Variants in SMYD3 observed in about 807,000 individuals in gnomAD.
SMYD3 encodes SET and MYND domain containing 3.
Under a neutral mutation model 57.7 loss-of-function variants are expected in SMYD3, and 36 were observed. The ratio of observed to expected loss-of-function variants is 0.62; its 90% CI spans 0.48 to 0.82. SMYD3 has a LOEUF of 0.82. Among genes scored for constraint, SMYD3 ranks in the 40% least tolerant of loss-of-function variants. The pLI is 0.00. For synonymous variants in SMYD3, 211 were observed against 195.0 expected (o/e 1.08, Z -0.68); for missense variants, 515 against 538.8 (o/e 0.96, Z 0.44).
chr1:245,758,969 A>G (rs1033180032), intron 11 of SMYD3, among the ~76,000 whole-genome samples: 57 of 152,326 alleles, frequency 3.7e-4, no homozygotes, highest in Non-Finnish European at 3.2e-4. Flanking sequence ...ACATCACTCC[A>G]GCAAGAGAAT....
chr1:245,836,903 G>A (rs2050132218), intron 10 of SMYD3, among the ~76,000 whole-genome samples: 1 of 152,190 alleles, frequency 6.6e-6, no homozygotes, highest in Admixed American at 6.5e-5. Context: ...CAAGGAACCA[G>A]GGCATCAAAC....
intron 10 of SMYD3, among the ~76,000 whole-genome samples, chr1:245,780,390 A>C (rs2046780860): frequency 6.6e-6 from 1 of 152,232 alleles, no homozygotes; most frequent in Non-Finnish European, 1.5e-5. Flanking sequence ...GAACTTTAAA[A>C]ACATTATGCT....
Position 246,286,259 on chromosome 1 carries a change from C to T in SMYD3, c.531+40942G>A, listed in dbSNP as rs6698732. The stretch of plus-strand genomic sequence containing the variant: ...ATAACAAAACCTTGCTTTGCCAGCA[C>T]TTTTGTTTAAATTTTTGTTTTTAAG... On this transcript the variant is annotated intron_variant, in intron 5 of 11. Transcript: ENST00000490107. 6.1e-3 allele frequency among the ~76,000 whole-genome samples: 932 copies of T among 152,318 alleles called. 11 individuals are homozygous for T. Among genetic ancestry groups the T allele is most frequent in the African/African-American group, 0.021 (888 of 41,566 alleles).
At chr1:246,374,146 T>A (rs1489970609) in intron 1 of SMYD3, among the ~76,000 whole-genome samples, 1 of 151,810 alleles carries the variant, frequency 6.6e-6, no homozygotes, top group Non-Finnish European at 1.5e-5. Flanking sequence ...TCATGATTAA[T>A]CTAAACTTAA....
chr1:246,444,578 G>A (rs1440773237), intron 1 of SMYD3, among the ~76,000 whole-genome samples: 1 of 152,198 alleles, frequency 6.6e-6, no homozygotes, highest in Non-Finnish European at 1.5e-5. Context: ...GAATGGAGAG[G>A]TAGGAAGGAA....
At chr1:245,833,542 A>C (rs996432210) in intron 10 of SMYD3, among the ~76,000 whole-genome samples, 1 of 152,236 alleles carries the variant, frequency 6.6e-6, no homozygotes, top group African/African-American at 2.4e-5. Flanking sequence ...TTCTCATTAC[A>C]TCCTATCACA....
chr1:245,950,057 G>T (rs980003339), intron 5 of SMYD3, among the ~76,000 whole-genome samples: 11 of 152,110 alleles, frequency 7.2e-5, no homozygotes, highest in African/African-American at 2.7e-4. Context: ...GACCAGGAGT[G>T]CAGACATCAA....
intron 5 of SMYD3, among the ~76,000 whole-genome samples, chr1:246,144,482 T>C (rs2061812193): frequency 6.6e-6 from 1 of 152,190 alleles, no homozygotes; most frequent in South Asian, 2.1e-4. Context: ...ATAACAGATT[T>C]CCCTATTTCA....
chr1:246,077,502 A>C (rs10802330), intron 5 of SMYD3, among the ~76,000 whole-genome samples: 18,010 of 151,700 alleles, frequency 0.12, 2,145 homozygotes, highest in African/African-American at 0.31. Context: ...CCCAGACTAC[A>C]TATGACACAT....
chr1:246,061,137 G>A (rs539154576), intron 5 of SMYD3, among the ~76,000 whole-genome samples: 4 of 151,980 alleles, frequency 2.6e-5, no homozygotes, highest in Non-Finnish European at 4.4e-5. Flanking sequence ...GCAGGAGAAC[G>A]GCATGAACCC....
chr1:246,412,625 G>A lies in SMYD3; in HGVS notation c.165-57531C>T, dbSNP rs1406295904. ...AAGTGGAGAGACACTTTGGGCAGCC[G>A]AGGCAGGCGGATCATGAGGTCAGGA... On this transcript the variant is annotated intron_variant, in intron 1 of 11. Transcript: ENST00000490107. 3.3e-5 allele frequency among the ~76,000 whole-genome samples: 5 copies of A among 151,834 alleles called. No homozygotes were observed. The East Asian group carries it at 5.8e-4, about 18-fold the overall frequency.
At position 246,337,395 on chromosome 1, in the gene SMYD3, A is replaced by C. The variant is rs1221673465; in HGVS notation, c.229-1921T>G. On this transcript the variant is annotated intron_variant, in intron 2 of 11. Transcript: ENST00000490107. ...TATTCACTAACTCAGATATATCTAT[A>C]TATTTTTTTTCACCTGGTCTTTGTA... 2.6e-5 allele frequency among the ~76,000 whole-genome samples: 4 copies of C among 152,188 alleles called. No homozygotes were observed. The East Asian group carries it at 5.8e-4, about 22-fold the overall frequency.
intron 1 of SMYD3, among the ~76,000 whole-genome samples, chr1:246,472,211 C>T (rs2067970193): frequency 6.6e-6 from 1 of 152,008 alleles, no homozygotes; most frequent in Non-Finnish European, 1.5e-5. Flanking sequence ...ACAGAACGTG[C>T]CATAGGTAAT....
intron 5 of SMYD3, among the ~76,000 whole-genome samples, chr1:245,997,262 T>C (rs35354121): frequency 0.52 from 78,596 of 152,090 alleles, 23,755 homozygotes; most frequent in Middle Eastern, 0.69. Flanking sequence ...AGCAACTGAG[T>C]GTTACTCTCA....
chr1:246,288,520 G>C (rs1162056705), intron 5 of SMYD3, among the ~76,000 whole-genome samples: 2 of 152,102 alleles, frequency 1.3e-5, no homozygotes, highest in East Asian at 3.9e-4. Context: ...CCAGAGTGGA[G>C]AGATGGCAAG....
chr1:245,968,727 G>T (rs1314791014), intron 5 of SMYD3, among the ~76,000 whole-genome samples: 1 of 152,154 alleles, frequency 6.6e-6, no homozygotes, highest in Non-Finnish European at 1.5e-5. Flanking sequence ...TGGTACCTGT[G>T]TTGCAAGTGT....
chr1:246,138,164 A>C (rs1286838147), intron 5 of SMYD3, among the ~76,000 whole-genome samples: 1 of 152,140 alleles, frequency 6.6e-6, no homozygotes, highest in East Asian at 1.9e-4. Flanking sequence ...AAATTTACAC[A>C]TAGCACCGAG....
chr1:246,326,268 A>G, intron 5 of SMYD3: 1 of 514,560 alleles, frequency 1.9e-6, no homozygotes. Context: ...AATTGTGATC[A>G]ACATTAAAAC....
chr1:246,097,207 T>C (rs987661340), intron 5 of SMYD3, among the ~76,000 whole-genome samples: 1 of 152,200 alleles, frequency 6.6e-6, no homozygotes, highest in African/African-American at 2.4e-5. Context: ...TTTACATTTA[T>C]TGTTTCCTTA....
Sources: gnomAD v4.1 joint callset for allele counts (sites outside exome capture counted in the v4.1 genomes callset) on GRCh38, gnomAD v4.1.1 for gene constraint, MANE v1.5 for transcripts, NCBI Gene and HGNC (gene_info 2026-07-23, HGNC 2026-07-21) for gene names.